ASTN2: variants seen among roughly 807,000 people sequenced by gnomAD.
The protein encoded by ASTN2 is astrotactin 2.
Under a neutral mutation model 139.8 loss-of-function variants are expected in ASTN2, and 54 were observed. The ratio of observed to expected loss-of-function variants is 0.39; its 90% CI spans 0.31 to 0.48. ASTN2 has a LOEUF of 0.48. Ranked by LOEUF, ASTN2 falls within the 20% of genes least tolerant of loss-of-function variation. The probability of loss-of-function intolerance (pLI) is 0.95; values close to 1 mark genes in which losing one functional copy is unlikely to be tolerated. For missense variants in ASTN2, 1,565 were observed against 1,725.1 expected (o/e 0.91, Z 1.64); for synonymous variants, 756 against 719.5 (o/e 1.05, Z -0.81).
chr9:116,705,839 A>G (rs1202365574), intron 16 of ASTN2, among the ~76,000 whole-genome samples: 1 of 152,194 alleles, frequency 6.6e-6, no homozygotes, highest in Non-Finnish European at 1.5e-5. Flanking sequence ...AGGGCCTTAA[A>G]AGTAAAGGGA....
chr9:116,583,838 C>G (rs1244896014), intron 19 of ASTN2: 1 of 152,146 alleles, frequency 6.6e-6, no homozygotes, highest in Non-Finnish European at 1.5e-5. Context: ...GAATTTACAT[C>G]AGAGAGTCAC....
At chr9:117,102,058 T>C (rs569974819) in intron 4 of ASTN2, among the ~76,000 whole-genome samples, 5 of 152,056 alleles carry the variant, frequency 3.3e-5, no homozygotes, top group Non-Finnish European at 7.4e-5. Flanking sequence ...AAACTGAAGA[T>C]AGGGCATTCA....
At chr9:116,712,471 TA>T (rs1403477239) in intron 16 of ASTN2, among the ~76,000 whole-genome samples, 1 of 152,214 alleles carries the variant, frequency 6.6e-6, no homozygotes, top group Non-Finnish European at 1.5e-5. Context: ...TGAAACATAG[TA>T]GGCACTATAA....
intron 10 of ASTN2, among the ~76,000 whole-genome samples, chr9:116,906,670 T>TTTTTG: frequency 6.6e-6 from 1 of 151,842 alleles, no homozygotes; most frequent in South Asian, 2.1e-4. Context: ...CTGGACCTTG[T>TTTTTG]TTTTGTTTTT....
At chr9:116,917,430 CT>C (rs1834480365) in intron 10 of ASTN2, among the ~76,000 whole-genome samples, 1 of 152,118 alleles carries the variant, frequency 6.6e-6, no homozygotes, top group Non-Finnish European at 1.5e-5. Context: ...GCTTAGATTA[CT>C]ATAGATGACC....
intron 19 of ASTN2, among the ~76,000 whole-genome samples, chr9:116,594,687 C>T (rs1312831560): frequency 2.0e-5 from 3 of 152,138 alleles, no homozygotes; most frequent in Non-Finnish European, 4.4e-5. Flanking sequence ...TCAGCTGCTG[C>T]AGAACAGCCA....
At chr9:117,040,326 C>T (rs115559754) in intron 5 of ASTN2, among the ~76,000 whole-genome samples, 2,943 of 152,266 alleles carry the variant, frequency 0.019, 108 homozygotes, top group African/African-American at 0.066. Context: ...TGAGAAGATA[C>T]CATGCTGTTA....
rs763817448 is a variant in ASTN2, at chr9:116,975,332, A to G, written c.1765T>C (p.Leu589=). ...PEKILRSTFS[L]GQGLWLPVSK... is the part of the protein sequence containing the mutation. ...ACAGGAAGCCAGAGGCCTTGGCCCA[A>G]GCTGAAAGTAGACCTGCAATGTAAG... is the stretch of plus-strand genomic sequence containing the variant. The change falls in exon 10 of 23, where the codon TTG becomes CTG. Residue 589 remains leucine (L), a synonymous_variant. Transcript: ENST00000313400. 7 of 1,609,082 alleles carry G rather than the reference A, an allele frequency of 4.4e-6. No individual in the cohort carries two copies. Among genetic ancestry groups the G allele is most frequent in the South Asian group, 1.1e-5 (1 of 90,158 alleles).
chr9:117,376,071 C>T (rs1361176766), intron 1 of ASTN2, among the ~76,000 whole-genome samples: 1 of 152,052 alleles, frequency 6.6e-6, no homozygotes, highest in East Asian at 1.9e-4. Context: ...GATCTTTAAC[C>T]TAATCACATC....
Position 116,425,917 on chromosome 9 carries a change from T to G in ASTN2, c.3954A>C (p.Lys1318Asn). ...ACACCATCTTCTCCTCACACGTGATTTTGGTGTCCTTGAGGATGCTATACC... is the reference window on the plus strand; with the variant it reads ...ACACCATCTTCTCCTCACACGTGATGTTGGTGTCCTTGAGGATGCTATACC... ...MVWYSILKDT[K>N]ITCEEKMVSM... is the part of the protein sequence containing the mutation. Residue 1318 changes from lysine (K) to asparagine (N), a missense_variant, in exon 23 of 23, where the codon AAA becomes AAC. Coordinates refer to ENST00000313400, the MANE Select transcript of ASTN2 (RefSeq NM_001365068.1). 6.2e-7 allele frequency: 1 copy of G among 1,614,150 alleles called. No individual in the cohort carries two copies. The highest frequency in any genetic ancestry group is 8.5e-7 in the Non-Finnish European group (1 of 1,180,026).
intron 3 of ASTN2, among the ~76,000 whole-genome samples, chr9:117,144,660 G>GTTTTTTTTTTTTTTTTTTTT (rs71379267): frequency 5.1e-5 from 4 of 78,350 alleles, no homozygotes; most frequent in African/African-American, 2.4e-4. Context: ...GTGAACACTA[G>GTTTTTTTTTTTTTTTTTTTT]TTTTTTTTTT....
chr9:116,570,633 G>C (rs922618375), intron 19 of ASTN2, among the ~76,000 whole-genome samples: 1 of 152,098 alleles, frequency 6.6e-6, no homozygotes, highest in Non-Finnish European at 1.5e-5. Context: ...TCCTGACCTC[G>C]TGATCCACCC....
At chr9:116,559,349 A>G (rs577022292) in intron 19 of ASTN2, among the ~76,000 whole-genome samples, 54 of 151,648 alleles carry the variant, frequency 3.6e-4, no homozygotes, top group African/African-American at 1.2e-3. Flanking sequence ...TTCAACAAAC[A>G]TATGCTGAAT....
chr9:116,570,117 T>A (rs546655694), intron 19 of ASTN2, among the ~76,000 whole-genome samples: 61 of 152,354 alleles, frequency 4.0e-4, no homozygotes, highest in Non-Finnish European at 7.3e-4. Context: ...TTCACGTTTC[T>A]AGCCTTGCTT....
At chr9:117,135,756 T>C (rs1314027211) in intron 4 of ASTN2, among the ~76,000 whole-genome samples, 1 of 152,146 alleles carries the variant, frequency 6.6e-6, no homozygotes, top group Non-Finnish European at 1.5e-5. Context: ...ACAGAGCAGA[T>C]GCTGAGGCTG....
chr9:116,937,470 T>G (rs1352451865), intron 10 of ASTN2, among the ~76,000 whole-genome samples: 2 of 152,222 alleles, frequency 1.3e-5, no homozygotes, highest in African/African-American at 2.4e-5. Context: ...CTGCCTATTC[T>G]CTAAACCTTT....
intron 2 of ASTN2, among the ~76,000 whole-genome samples, chr9:117,241,524 T>C (rs1833205833): frequency 6.6e-6 from 1 of 152,160 alleles, no homozygotes; most frequent in Admixed American, 6.5e-5. Context: ...CCACCTCAGA[T>C]CATCAGGCAT....
intron 10 of ASTN2, among the ~76,000 whole-genome samples, chr9:116,965,523 G>A (rs1024016543): frequency 9.2e-5 from 14 of 152,270 alleles, no homozygotes; most frequent in Admixed American, 8.5e-4. Context: ...TGACAAGATG[G>A]GGAGTACAGA....
intron 13 of ASTN2, among the ~76,000 whole-genome samples, chr9:116,757,327 A>G (rs1829558940): frequency 1.3e-5 from 2 of 152,066 alleles, no homozygotes; most frequent in African/African-American, 4.8e-5. Context: ...CTGTGAAGCT[A>G]TTTTTCTTTT....
Sources: allele counts gnomAD v4.1 joint callset (sites outside exome capture counted in the v4.1 genomes callset), GRCh38; gene constraint gnomAD v4.1.1; transcripts MANE v1.5; gene names NCBI Gene and HGNC (gene_info 2026-07-23, HGNC 2026-07-21).